Variants in ARHGAP30 observed in about 807,000 individuals in gnomAD.
ARHGAP30 encodes Rho GTPase activating protein 30, also known as rho GTPase-activating protein 30.
In ARHGAP30, 23 loss-of-function variants were observed where a neutral mutation model predicts 72.0. The observed-to-expected ratio is 0.32, with a 90% confidence interval of 0.23 to 0.45. The LOEUF is 0.45. ARHGAP30 is among the 20% of genes least tolerant of loss of function. The pLI, the probability that ARHGAP30 is intolerant of heterozygous loss-of-function variation, is 1.00. For missense variants in ARHGAP30, 1,319 were observed against 1,383.4 expected, an observed-to-expected ratio of 0.95 and a Z score of 0.74; for synonymous variants, 576 against 528.2, an observed-to-expected ratio of 1.09 and a Z score of -1.24.
chr1:161,065,026 C>T (rs1652660318), intron 1 of ARHGAP30, among the ~76,000 whole-genome samples: 1 of 152,026 alleles, frequency 6.6e-6, no homozygotes, highest in South Asian at 2.1e-4. Flanking sequence ...ATGAGTCTTG[C>T]ACTTGATTAT....
chr1:161,051,599 G>C lies in ARHGAP30; in HGVS notation c.1135C>G (p.Leu379Val), dbSNP rs200564175. 1.9e-6 allele frequency: 3 copies of C among 1,613,802 alleles called. No individual in the cohort carries two copies. Among genetic ancestry groups the C allele is most frequent in the Non-Finnish European group, 2.5e-6 (3 of 1,180,034 alleles). Residue 379 changes from leucine (L) to valine (V), a missense_variant, in exon 10 of 12, where the codon CTG (leucine) becomes GTG (valine). By Grantham distance (32) the Leu-to-Val change is conservative. Coordinates refer to ENST00000368013, the MANE Select transcript of ARHGAP30 (RefSeq NM_001025598.2). ...EGEQEPEAEA[L>V]GGTNSEPGTP... Reference sequence around the variant, plus strand: ...CCTGGTTCAGAGTTTGTGCCACCCAGTGCTTCTGCCTCAGGCTCCTGTTCA... The same window carrying C: ...CCTGGTTCAGAGTTTGTGCCACCCACTGCTTCTGCCTCAGGCTCCTGTTCA...
intron 1 of ARHGAP30, among the ~76,000 whole-genome samples, chr1:161,065,689 C>A (rs895811009): frequency 1.3e-5 from 2 of 151,580 alleles, no homozygotes; most frequent in African/African-American, 4.9e-5. Context: ...GCCTCAGCCT[C>A]CCAAGTAGCT....
rs201053244 is a variant in ARHGAP30 at position 161,050,501 on chromosome 1, G to A, written c.1421-812C>T. Among the ~76,000 whole-genome samples, 30 of 151,588 alleles carry A rather than the reference G, an allele frequency of 2.0e-4. No individual in the cohort carries two copies. In the East Asian group the frequency reaches 5.3e-3, roughly 27 times the overall value. On this transcript the variant is annotated intron_variant, in intron 10 of 11. Coordinates refer to ENST00000368013, the MANE Select transcript of ARHGAP30 (RefSeq NM_001025598.2). ...TTTAATTTTTTTTAGTAGAGACGGG[G>A]TTTCACCATGTTGACCAGGCTGGTC...
chr1:161,049,520 C>T lies in ARHGAP30; in HGVS notation c.1590G>A (p.Glu530=), dbSNP rs746936756. The T allele has an allele frequency of 1.2e-6, 2 of 1,614,182 alleles. No homozygotes were observed. Among genetic ancestry groups the T allele is most frequent in the East Asian group, 2.2e-5 (1 of 44,880 alleles). ...CTCCTGCTGCTTCTGCCTGGGCCAC[C>T]TCCCCATCCTCTGCCCCCACCCACT... ...EPEWVGAEDG[E]VAQAEAAGAA... is the part of the protein sequence containing the mutation. Residue 530 remains glutamate, a synonymous_variant, in exon 11 of 12, where the codon GAG becomes GAA. Transcript: ENST00000368013.
At chr1:161,059,159 G>A (rs1652133278) in intron 2 of ARHGAP30, among the ~76,000 whole-genome samples, 1 of 151,886 alleles carries the variant, frequency 6.6e-6, no homozygotes, top group African/African-American at 2.4e-5. Flanking sequence ...CTCCCAAGGA[G>A]CTGGGATTAC....
intron 2 of ARHGAP30, among the ~76,000 whole-genome samples, 192 bp downstream of exon 2, chr1:161,059,422 G>C (rs1259182535): frequency 4.0e-5 from 6 of 151,650 alleles, no homozygotes; most frequent in Admixed American, 4.0e-4. Context: ...TGCTAAGTTG[G>C]GGGAGGGACC....
intron 1 of ARHGAP30, among the ~76,000 whole-genome samples, chr1:161,064,933 G>A (rs1438038051): frequency 1.3e-5 from 2 of 150,762 alleles, no homozygotes; most frequent in African/African-American, 4.9e-5. Context: ...AGGAAAGGAA[G>A]GGAAGGGAAG....
chr1:161,065,868 C>CT (rs1553220191), intron 1 of ARHGAP30, among the ~76,000 whole-genome samples: 4 of 133,174 alleles, frequency 3.0e-5, no homozygotes, highest in Admixed American at 7.5e-5. Flanking sequence ...CACCCGGCCC[C>CT]TTATTTATTT....
intron 2 of ARHGAP30, among the ~76,000 whole-genome samples, chr1:161,058,019 C>T (rs1376808864): frequency 1.3e-5 from 2 of 152,096 alleles, no homozygotes; most frequent in South Asian, 2.1e-4. Flanking sequence ...GGCATGGTGG[C>T]GCTCGCCTGT....
chr1:161,069,578 C>T lies in ARHGAP30; in HGVS notation c.47G>A (p.Arg16Gln), dbSNP rs753514157. 6.8e-6 allele frequency: 11 copies of T among 1,611,628 alleles called. No individual in the cohort carries two copies. Among genetic ancestry groups the T allele is most frequent in the South Asian group, 2.2e-5 (2 of 91,088 alleles). ...KGKKKGSAKE[R>Q]VFGCDLQEHL... ...CTCCTGCAAGTCGCACCCAAAAACC[C>T]GCTCCTTTGCGCTGCCCTTCTTCTT... Residue 16 changes from arginine to glutamine, a missense_variant, in exon 1 of 12, where the codon CGG becomes CAG. Arg to Gln is a conservative substitution (Grantham distance 43). Around this residue, in one of 2 missense-constraint regions of ARHGAP30, gnomAD observed 222 missense variants for 338.2 expected, o/e 0.66. Coordinates refer to ENST00000368013, the MANE Select transcript of ARHGAP30 (RefSeq NM_001025598.2). This position sits in a 1 kb window ranked among gnomAD's most constrained non-coding sequence, Gnocchi z 4.9.
At chr1:161,055,882 A>T (rs1268139783) in intron 3 of ARHGAP30, among the ~76,000 whole-genome samples, 22 of 41,982 alleles carry the variant, frequency 5.2e-4, no homozygotes, top group Non-Finnish European at 1.0e-3. Context: ...AAATAAAATA[A>T]AAATAAATAA....
chr1:161,064,556 C>G (rs1156289940), intron 1 of ARHGAP30, among the ~76,000 whole-genome samples: 1 of 151,856 alleles, frequency 6.6e-6, no homozygotes, highest in Non-Finnish European at 1.5e-5. Context: ...ATCAGGAGTT[C>G]AAGAACAGCC....
chr1:161,052,990 T>C lies in ARHGAP30; in HGVS notation c.665-193A>G, dbSNP rs1048248507. 5.5e-6 allele frequency: 5 copies of C among 907,552 alleles called. No homozygotes were observed. In the African/African-American group the frequency reaches 6.7e-5, roughly 12 times the overall value. 56.2% of individuals were successfully genotyped at this position (907,552 alleles called of 1,614,324 possible). A position where few individuals can be genotyped will look rare whatever the true frequency, so the allele number is the denominator to read the frequency against. On this transcript the variant is annotated intron_variant, in intron 6 of 11. Transcript: ENST00000368013. ...AAGAGGGCTGGGAGATCCGAGAACG[T>C]TGGCCTGGTGGGCTGGGGGTGGATA...
At chr1:161,064,827 G>GAAAGAA (rs1417672066) in intron 1 of ARHGAP30, among the ~76,000 whole-genome samples, 2 of 67,078 alleles carry the variant, frequency 3.0e-5, no homozygotes, top group East Asian at 8.0e-4. Context: ...AAGAAAGAAA[G>GAAAGAA]AAAGAGAAAG....
At chr1:161,050,701 C>T (rs1214105158) in intron 10 of ARHGAP30, among the ~76,000 whole-genome samples, 2 of 151,724 alleles carry the variant, frequency 1.3e-5, no homozygotes, top group African/African-American at 2.4e-5. Context: ...AGTGCAGTGG[C>T]GTGATCTCGG....
Position 161,069,719 on chromosome 1 carries a change from G to T in ARHGAP30, c.-95C>A. ...GGGATCCCAGCCAGCTGCTGGGCTTGGCCCGGCCCCAGGGGGGCAGGGCTC... is the reference window on the plus strand; with the variant it reads ...GGGATCCCAGCCAGCTGCTGGGCTTTGCCCGGCCCCAGGGGGGCAGGGCTC... On this transcript the variant is annotated 5_prime_UTR_variant, in exon 1 of 12. Transcript: ENST00000368013. The surrounding 1 kb of genome is among the most constrained non-coding windows in gnomAD (Gnocchi z 4.9). The T allele has an allele frequency of 7.1e-7, 1 of 1,402,866 alleles. No homozygotes were observed. Among genetic ancestry groups the T allele is most frequent in the Non-Finnish European group, 9.9e-7 (1 of 1,012,296 alleles). The allele number at this position is 1,402,866 out of a possible 1,614,324, so 86.9% of individuals were successfully genotyped here. A position where few individuals can be genotyped will look rare whatever the true frequency, so the allele number is the denominator to read the frequency against.
intron 1 of ARHGAP30, among the ~76,000 whole-genome samples, chr1:161,068,500 C>G (rs776602784): frequency 6.6e-6 from 1 of 151,980 alleles, no homozygotes; most frequent in Non-Finnish European, 1.5e-5. Context: ...ACCCTCCCTC[C>G]GCTGCAAGCA....
At chr1:161,050,743 C>T (rs949138342) in intron 10 of ARHGAP30, among the ~76,000 whole-genome samples, 1 of 151,964 alleles carries the variant, frequency 6.6e-6, no homozygotes, top group Admixed American at 6.6e-5. Context: ...TGGGTTCAAG[C>T]GATTCTCCTG....
At chr1:161,068,240 T>C (rs1652905204) in intron 1 of ARHGAP30, among the ~76,000 whole-genome samples, 1 of 152,212 alleles carries the variant, frequency 6.6e-6, no homozygotes, top group Admixed American at 6.5e-5. Flanking sequence ...TCATAGCTCT[T>C]GAGAGGAGTC....
Sources: gnomAD v4.1 joint callset for allele counts (sites outside exome capture counted in the v4.1 genomes callset) on GRCh38, gnomAD v4.1.1 for gene constraint, gnomAD v4.1.1 regional missense constraint, Gnocchi (gnomAD v3.1) non-coding constraint, MANE v1.5 for transcripts, NCBI Gene and HGNC (gene_info 2026-07-23, HGNC 2026-07-21) for gene names.